The following ARMC8 variants were observed in gnomAD, a reference collection of about 807,000 sequenced individuals.
ARMC8 encodes the protein armadillo repeat-containing protein 8.
A neutral mutation model predicts 99.3 loss-of-function variants in ARMC8; 20 were observed. The observed-to-expected ratio is 0.20, with a 90% confidence interval of 0.14 to 0.29. The LOEUF is 0.29. Among genes scored for constraint, ARMC8 ranks in the 10% least tolerant of loss-of-function variants. The pLI is 1.00. For synonymous variants in ARMC8, 263 were observed against 278.3 expected (o/e 0.95, Z 0.55); for missense variants, 569 against 809.5 (o/e 0.70, Z 3.60).
At chr3:138,278,984 G>C (rs2049595438) in intron 18 of ARMC8, among the ~76,000 whole-genome samples, 1 of 152,050 alleles carries the variant, frequency 6.6e-6, no homozygotes, top group Admixed American at 6.6e-5. Flanking sequence ...AATAAAAATA[G>C]CTTTATTTCT....
intron 18 of ARMC8, among the ~76,000 whole-genome samples, chr3:138,282,720 G>A (rs569374379): frequency 6.6e-6 from 1 of 151,358 alleles, no homozygotes; most frequent in African/African-American, 2.4e-5. Flanking sequence ...TATAGGGAAA[G>A]CAACGATAAT....
chr3:138,210,529 G>A (rs570941310), intron 2 of ARMC8, among the ~76,000 whole-genome samples: 3 of 152,038 alleles, frequency 2.0e-5, no homozygotes, highest in African/African-American at 7.2e-5. Flanking sequence ...TACTCTTAGC[G>A]CATTAGTTCT....
chr3:138,250,995 AC>A (rs1447884764), intron 12 of ARMC8, among the ~76,000 whole-genome samples: 1 of 152,068 alleles, frequency 6.6e-6, no homozygotes, highest in African/African-American at 2.4e-5. Flanking sequence ...AAAAAAAAAT[AC>A]AAAAATTATC....
chr3:138,239,423 C>T (rs765201694), intron 9 of ARMC8, 45 bp from the exon 10 acceptor site: 1 of 1,427,526 alleles, frequency 7.0e-7, no homozygotes. Context: ...TCATTTAAAG[C>T]TTTAAACTCC....
intron 18 of ARMC8, among the ~76,000 whole-genome samples, chr3:138,275,574 C>A (rs1205831725): frequency 6.6e-6 from 1 of 151,740 alleles, no homozygotes; most frequent in African/African-American, 2.4e-5. Context: ...AAAAAAAATT[C>A]ATTAAGCTGT....
chr3:138,230,135 C>CAA (rs1226625769), intron 6 of ARMC8, among the ~76,000 whole-genome samples: 1 of 152,170 alleles, frequency 6.6e-6, no homozygotes, highest in Non-Finnish European at 1.5e-5. Flanking sequence ...ATTACGTTGA[C>CAA]AAAGTGTGGG....
At chr3:138,286,121 T>G (rs1215913472) in intron 19 of ARMC8, among the ~76,000 whole-genome samples, 1 of 152,126 alleles carries the variant, frequency 6.6e-6, no homozygotes, top group African/African-American at 2.4e-5. Context: ...TTTTGTATTT[T>G]TAGAAGAGAT....
intron 2 of ARMC8, among the ~76,000 whole-genome samples, chr3:138,215,408 G>GGAT (rs2044960967): frequency 6.6e-6 from 1 of 151,996 alleles, no homozygotes; most frequent in Admixed American, 6.6e-5. Context: ...AGTAGAGACG[G>GGAT]GGTTTCACCG....
At chr3:138,211,448 A>C (rs1232456521) in intron 2 of ARMC8, among the ~76,000 whole-genome samples, 1 of 152,208 alleles carries the variant, frequency 6.6e-6, no homozygotes, top group Non-Finnish European at 1.5e-5. Context: ...GAAATTTTTT[A>C]CTTACCAAAG....
At chr3:138,201,423 C>T (rs1372565226) in intron 1 of ARMC8, among the ~76,000 whole-genome samples, 4 of 114,120 alleles carry the variant, frequency 3.5e-5, no homozygotes, top group Non-Finnish European at 3.5e-5. Context: ...GAGTCCTTGT[C>T]TTCTTCCCCT....
intron 6 of ARMC8, among the ~76,000 whole-genome samples, chr3:138,234,132 G>A (rs1443567858): frequency 6.6e-6 from 1 of 151,138 alleles, no homozygotes; most frequent in Non-Finnish European, 1.5e-5. Flanking sequence ...TTGAGACGGA[G>A]TCTCGCTCTG....
At chr3:138,241,749 C>G in intron 10 of ARMC8, 34 bp from the exon 11 acceptor site, 2 of 1,601,920 alleles carry the variant, frequency 1.2e-6, no homozygotes, top group Non-Finnish European at 1.7e-6. Context: ...TTACCTTTAC[C>G]AAAAAGCAAA....
At chr3:138,228,269 C>T (rs544814295) in intron 5 of ARMC8, among the ~76,000 whole-genome samples, 7 of 152,326 alleles carry the variant, frequency 4.6e-5, no homozygotes, top group East Asian at 3.9e-4. Context: ...CATGAGCCAC[C>T]GCTCCTGGCC....
chr3:138,222,925 C>T (rs997856167), intron 3 of ARMC8, among the ~76,000 whole-genome samples: 4 of 152,260 alleles, frequency 2.6e-5, no homozygotes, highest in East Asian at 1.9e-4. Context: ...AAGAAACTAC[C>T]TTTGCTTGAG....
At chr3:138,242,894 G>A (rs1401064032) in intron 11 of ARMC8, among the ~76,000 whole-genome samples, 1 of 152,138 alleles carries the variant, frequency 6.6e-6, no homozygotes, top group Non-Finnish European at 1.5e-5. Flanking sequence ...AACCTTCACT[G>A]GTATTTGTAT....
chr3:138,272,969 T>C lies in ARMC8; in HGVS notation c.1482T>C (p.Asn494=). ...TGCAACTTCTTTAATCCTTTCAGAA[T>C]ATGGCATTTCAGGCTGAACAAAAAA... is the stretch of plus-strand genomic sequence containing the variant. The part of the protein sequence containing the change: ...LRVNGIWALM[N]MAFQAEQKIK... The change falls in exon 17 of 22, where the codon AAT becomes AAC. Residue 494 remains asparagine, a splice_region_variant and synonymous_variant. Coordinates refer to ENST00000469044, the MANE Select transcript of ARMC8 (RefSeq NM_001363941.2). The C allele has an allele frequency of 1.3e-6, 2 of 1,592,774 alleles. No homozygotes were observed. Among genetic ancestry groups the C allele is most frequent in the Non-Finnish European group, 1.7e-6 (2 of 1,170,946 alleles).
At chr3:138,246,218 T>TA in intron 12 of ARMC8, 1 of 985,636 alleles carries the variant, frequency 1.0e-6, no homozygotes, top group Non-Finnish European at 1.2e-6. Context: ...GATGTGTGAG[T>TA]AGCTTTGATT....
chr3:138,287,255 C>G (rs1023368561), intron 19 of ARMC8, among the ~76,000 whole-genome samples: 5 of 152,190 alleles, frequency 3.3e-5, no homozygotes, highest in African/African-American at 1.2e-4. Flanking sequence ...CACAATTTGG[C>G]TACACCTACT....
intron 12 of ARMC8, chr3:138,262,530 T>C (rs1156698764): frequency 6.2e-7 from 1 of 1,612,678 alleles, no homozygotes; most frequent in Admixed American, 1.7e-5. Context: ...GACTTCTGAA[T>C]CCTCTCATTT....
Sources: allele counts gnomAD v4.1 joint callset (sites outside exome capture counted in the v4.1 genomes callset), GRCh38; gene constraint gnomAD v4.1.1; transcripts MANE v1.5; gene names NCBI Gene and HGNC (gene_info 2026-07-23, HGNC 2026-07-21).